UTP6: variants seen among roughly 807,000 people sequenced by gnomAD.
UTP6 encodes the protein U3 small nucleolar RNA-associated protein 6 homolog.
Under a neutral mutation model 96.5 loss-of-function variants are expected in UTP6, and 60 were observed. The observed-to-expected ratio is 0.62, with a 90% confidence interval of 0.51 to 0.77. The LOEUF is 0.77. Ranked by LOEUF, UTP6 falls within the 30% of genes least tolerant of loss-of-function variation. The pLI, the probability that UTP6 is intolerant of heterozygous loss-of-function variation, is 0.00. For missense variants in UTP6, 637 were observed against 706.5 expected, an observed-to-expected ratio of 0.90 and a Z score of 1.12; for synonymous variants, 215 against 240.1, an observed-to-expected ratio of 0.90 and a Z score of 0.96.
chr17:31,899,560 A>C (rs1904845290), intron 2 of UTP6, 86 bp downstream of exon 2: 2 of 990,182 alleles, frequency 2.0e-6, no homozygotes, highest in African/African-American at 3.3e-5. Context: ...ACACCACTGC[A>C]CTCCAACCTG....
chr17:31,873,510 A>G (rs776151459), intron 15 of UTP6, 23 bp from the exon 16 acceptor site: 1 of 1,609,454 alleles, frequency 6.2e-7, no homozygotes. Flanking sequence ...AGAAAAAAGA[A>G]AGAAGCTATG....
Position 31,894,686 on chromosome 17 carries a change from G to A in UTP6, c.271C>T (p.Arg91Trp), listed in dbSNP as rs746719051. The A allele has an allele frequency of 2.0e-5, 33 of 1,611,174 alleles. No homozygotes were observed. Among genetic ancestry groups the A allele is most frequent in the Non-Finnish European group, 2.6e-5 (31 of 1,178,638 alleles). ...KDEIENSIVHRVQGVFQRASA... is the reference protein window; with the variant it reads ...KDEIENSIVHWVQGVFQRASA... ...GCACGCTGGAAAACACCTTGTACCCGGTGTACAATAGAATTCTCAATCTCA... is the reference window on the plus strand; with the variant it reads ...GCACGCTGGAAAACACCTTGTACCCAGTGTACAATAGAATTCTCAATCTCA... The change falls in exon 4 of 19, where the codon CGG (arginine) becomes TGG (tryptophan). Residue 91 changes from arginine to tryptophan, a missense_variant. Arg to Trp is a moderately radical substitution (Grantham distance 101). Transcript: ENST00000261708.
At chr17:31,864,050 A>G (rs898318656) in intron 18 of UTP6, among the ~76,000 whole-genome samples, 1 of 151,902 alleles carries the variant, frequency 6.6e-6, no homozygotes, top group Non-Finnish European at 1.5e-5. Context: ...AAACCTTCAC[A>G]TCAATCATAA....
intron 2 of UTP6, among the ~76,000 whole-genome samples, chr17:31,898,858 T>C (rs1904806813): frequency 6.6e-6 from 1 of 152,138 alleles, no homozygotes; most frequent in Non-Finnish European, 1.5e-5. Flanking sequence ...CTAGCCAACA[T>C]GGCAAAACCC....
At chr17:31,885,693 C>T (rs2073097160) in intron 9 of UTP6, among the ~76,000 whole-genome samples, 1 of 151,830 alleles carries the variant, frequency 6.6e-6, no homozygotes, top group Non-Finnish European at 1.5e-5. Context: ...GAGGCTGAGG[C>T]AGGAGAATCA....
intron 10 of UTP6, among the ~76,000 whole-genome samples, chr17:31,881,170 CAA>C (rs941055533): frequency 4.2e-5 from 5 of 119,952 alleles, no homozygotes; most frequent in East Asian, 2.4e-4. Context: ...GACTCTGTCT[CAA>C]AAAAAAAAAA....
intron 18 of UTP6, among the ~76,000 whole-genome samples, chr17:31,864,517 A>G (rs1482667670): frequency 1.3e-5 from 2 of 152,254 alleles, no homozygotes; most frequent in African/African-American, 2.4e-5. Context: ...ATAGTCAACA[A>G]CAGACGCCAA....
At chr17:31,883,272 T>TA (rs1462745807) in intron 10 of UTP6, among the ~76,000 whole-genome samples, 1 of 151,170 alleles carries the variant, frequency 6.6e-6, no homozygotes, top group Non-Finnish European at 1.5e-5. Context: ...ATTTTATGGA[T>TA]AAATGCCAGG....
At position 31,864,693 on chromosome 17, in the gene UTP6, G is replaced by A. The variant is rs559169759; in HGVS notation, c.1636+673C>T. 2.0e-5 allele frequency among the ~76,000 whole-genome samples: 3 copies of A among 152,116 alleles called. No individual in the cohort carries two copies. The South Asian group carries it at 6.2e-4, about 32-fold the overall frequency. ...GCTGGAGTACAATGGTGGCATCACA[G>A]TCATTGCAGCCTCAACATCCTGGGG... On this transcript the variant is annotated intron_variant, in intron 18 of 18. Coordinates refer to ENST00000261708, the MANE Select transcript of UTP6 (RefSeq NM_018428.3).
At chr17:31,866,200 C>T (rs538606642) in intron 17 of UTP6, among the ~76,000 whole-genome samples, 406 of 143,668 alleles carry the variant, frequency 2.8e-3, no homozygotes, top group African/African-American at 7.4e-3. Context: ...GGCAGGAGAA[C>T]GGCGTGAACC....
chr17:31,885,577 C>A lies in UTP6; in HGVS notation c.703+403G>T, dbSNP rs544361410. On this transcript the variant is annotated intron_variant, in intron 9 of 18. Transcript: ENST00000261708. ...GGCCAAGGCGGGCAGGTCACAAGGT[C>A]AGGAGTACGAGACCAGCCTAGCCAA... Among the ~76,000 whole-genome samples the A allele has an allele frequency of 9.2e-5, 14 of 152,036 alleles. No individual in the cohort carries two copies. In the East Asian group the frequency reaches 2.7e-3, roughly 30 times the overall value.
intron 16 of UTP6, among the ~76,000 whole-genome samples, chr17:31,871,841 C>G (rs538548937): frequency 6.6e-6 from 1 of 151,984 alleles, no homozygotes; most frequent in Admixed American, 6.6e-5. Context: ...TGCAGTGAGC[C>G]AAGATGGCGC....
rs1435615949 is a variant in UTP6, at chr17:31,873,684, C to A, written c.1375G>T (p.Ala459Ser). 1 of 1,613,484 alleles carries A rather than the reference C, an allele frequency of 6.2e-7. No homozygotes were observed. ...EGAKSQEDTE[A>S]VFKKALLAVI... ...CACGGAGCCTATACCTTAAAGACTG[C>A]CTCAGTGTCTTCTTGGCTTTTGGCA... is the stretch of plus-strand genomic sequence containing the variant. Residue 459 changes from alanine to serine, a missense_variant, in exon 15 of 19, where the codon GCA becomes TCA. Transcript: ENST00000261708.
At chr17:31,876,383 G>A (rs1056194042) in intron 13 of UTP6, among the ~76,000 whole-genome samples, 6 of 148,026 alleles carry the variant, frequency 4.1e-5, no homozygotes, top group Admixed American at 6.7e-5. Context: ...GGTGGCTCAC[G>A]CCTGTAATCC....
rs1469208339 is a variant in UTP6, at chr17:31,878,780, C to T, written c.969G>A (p.Glu323=). The T allele has an allele frequency of 4.3e-6, 7 of 1,613,984 alleles. No individual in the cohort carries two copies. In the South Asian group the frequency reaches 7.7e-5, roughly 18 times the overall value. ...AGGTGATGTAACACTTCCACATGGC[C>T]TCTGGAAAAGTCAGAAAGATTGTGT... is the stretch of plus-strand genomic sequence containing the variant. ...YEEAVKTLPT[E]AMWKCYITFC... The change falls in exon 12 of 19, where the codon GAG becomes GAA. Residue 323 remains glutamate, a splice_region_variant and synonymous_variant. Transcript: ENST00000261708.
chr17:31,863,246 A>G lies in UTP6; in HGVS notation c.*113T>C, dbSNP rs1021360185. On this transcript the variant is annotated 3_prime_UTR_variant, in exon 19 of 19. Transcript: ENST00000261708. ...TAAAATTAAAGTGTGTCTCAAAACC[A>G]GACAGCCATCTTGTCTGCCATCACT... The G allele has an allele frequency of 1.4e-5, 16 of 1,108,038 alleles. No individual in the cohort carries two copies. The African/African-American group carries it at 1.7e-4, about 12-fold the overall frequency. 68.6% of individuals were successfully genotyped at this position (1,108,038 alleles called of 1,614,324 possible).
rs141177417 is a variant in UTP6 at position 31,892,009 on chromosome 17, C to T, written c.424+251G>A. 1,328 of 440,468 alleles carry T rather than the reference C, an allele frequency of 3.0e-3. 4 individuals carry two copies. The highest frequency in any genetic ancestry group is 3.8e-3 in the Non-Finnish European group (905 of 239,514). 27.3% of individuals were successfully genotyped at this position (440,468 alleles called of 1,614,324 possible). ...CTGCCCTCCAGCCTGGGCGACAGAG[C>T]GAGACTCCGTCTCAAAAAAAAAAGA... On this transcript the variant is annotated intron_variant, in intron 6 of 18. Transcript: ENST00000261708.
At position 31,901,655 on chromosome 17, in the gene UTP6, T is replaced by A; in HGVS notation, c.-28A>T. On this transcript the variant is annotated 5_prime_UTR_variant, in exon 1 of 19. Transcript: ENST00000261708. Reference sequence around the variant, plus strand: ...GGTCCGAGGTCTACAACCCCGCGGGTAGCTTCTCAACAGCGAACACGAGCA... The same window carrying A: ...GGTCCGAGGTCTACAACCCCGCGGGAAGCTTCTCAACAGCGAACACGAGCA... 6.3e-7 allele frequency: 1 copy of A among 1,599,314 alleles called. No individual in the cohort carries two copies. The highest frequency in any genetic ancestry group is 8.6e-7 in the Non-Finnish European group (1 of 1,169,214).
At chr17:31,890,830 T>C (rs1324530216) in intron 6 of UTP6, among the ~76,000 whole-genome samples, 1 of 148,800 alleles carries the variant, frequency 6.7e-6, no homozygotes, top group Non-Finnish European at 1.5e-5. Context: ...CTACTAAAAA[T>C]ACAAAAATTA....
Sources: gnomAD v4.1 joint callset for allele counts (sites outside exome capture counted in the v4.1 genomes callset) on GRCh38, gnomAD v4.1.1 for gene constraint, MANE v1.5 for transcripts, NCBI Gene and HGNC (gene_info 2026-07-23, HGNC 2026-07-21) for gene names.